Variants in PANX3 observed in about 807,000 individuals in gnomAD.
PANX3 encodes the protein pannexin 3.
A neutral mutation model predicts 31.5 loss-of-function variants in PANX3; 18 were observed. The observed-to-expected ratio is 0.57, with a 90% CI of 0.39 to 0.85. The LOEUF (loss-of-function observed/expected upper bound fraction) is 0.85, where lower values mean the gene tolerates loss of function less well. Ranked by LOEUF, PANX3 falls within the 40% of genes least tolerant of loss-of-function variation. The pLI, the probability that PANX3 is intolerant of heterozygous loss-of-function variation, is 0.00. For missense variants in PANX3, 426 were observed against 485.4 expected (o/e 0.88, Z 1.15); for synonymous variants, 194 against 201.6 (o/e 0.96, Z 0.32).
chr11:124,612,631 G>A (rs1021118096), intron 1 of PANX3, among the ~76,000 whole-genome samples: 1 of 152,176 alleles, frequency 6.6e-6, no homozygotes, highest in Non-Finnish European at 1.5e-5. Context: ...CAACATTTTA[G>A]AGTCTAAAGG....
chr11:124,611,460 T>C lies in PANX3; in HGVS notation c.-97T>C. On this transcript the variant is annotated 5_prime_UTR_variant, in exon 1 of 4. Transcript: ENST00000284288. ...TCCATAAGGCTGGGGTGGCAGGCAC[T>C]GTCTGCCCAAAGTCAGCTGCCTGAA... 1 of 1,196,736 alleles carries C rather than the reference T, an allele frequency of 8.4e-7. No homozygotes were observed. Among genetic ancestry groups the C allele is most frequent in the South Asian group, 1.6e-5 (1 of 62,866 alleles). The allele number at this position is 1,196,736 out of a possible 1,614,324, so 74.1% of individuals were successfully genotyped here. A position where few individuals can be genotyped will look rare whatever the true frequency, so the allele number is the denominator to read the frequency against.
chr11:124,619,552 C>T lies in PANX3; in HGVS notation c.796C>T (p.Leu266=). The change falls in exon 4 of 4, where the codon CTG becomes TTG. Residue 266 remains leucine (L), a synonymous_variant. Transcript: ENST00000284288. ...PNLITCRLTS[L]SIFQIVSLSS... ...TCTGATCACATGCAGGCTGACATCA[C>T]TGTCCATTTTCCAGATTGTTAGCCT... The T allele has an allele frequency of 1.2e-6, 2 of 1,614,218 alleles. No homozygotes were observed. The highest frequency in any genetic ancestry group is 8.5e-7 in the Non-Finnish European group (1 of 1,180,038).
intron 2 of PANX3, among the ~76,000 whole-genome samples, chr11:124,614,756 AACCTCC>A (rs1213801479): frequency 7.3e-6 from 1 of 137,120 alleles, no homozygotes; most frequent in Admixed American, 8.1e-5. Context: ...GGCTCACTGC[AACCTCC>A]ACCTCCCAGG....
chr11:124,613,540 A>G (rs1863118790), intron 2 of PANX3, among the ~76,000 whole-genome samples: 1 of 152,120 alleles, frequency 6.6e-6, no homozygotes, highest in Non-Finnish European at 1.5e-5. Flanking sequence ...CTCACCATTC[A>G]GAGTTCACTC....
chr11:124,615,477 G>T (rs1863143083), intron 2 of PANX3, among the ~76,000 whole-genome samples: 1 of 152,130 alleles, frequency 6.6e-6, no homozygotes, highest in Non-Finnish European at 1.5e-5. Context: ...CCTGGTTCAG[G>T]AGAAGCTATA....
rs1208642149 is a variant in PANX3, at chr11:124,616,351, CTTCT to C, written c.325-920_325-917del. Among the ~76,000 whole-genome samples the C allele has an allele frequency of 5.3e-5, 8 of 152,074 alleles. No homozygotes were observed. Among genetic ancestry groups the C allele is most frequent in the Non-Finnish European group, 1.2e-4 (8 of 68,020 alleles). On this transcript the variant is annotated intron_variant, in intron 2 of 3. Coordinates refer to ENST00000284288, the MANE Select transcript of PANX3 (RefSeq NM_052959.3). This position sits in a 1 kb window ranked among gnomAD's most constrained non-coding sequence, Gnocchi z 4.8. Reference sequence around the variant, plus strand: ...GGCAGTCTCCCTGTATGCATTTCTGCTTCTTTACCTGGCTTTTTTTTTAAAAAAG... The same window carrying C: ...GGCAGTCTCCCTGTATGCATTTCTGCTTACCTGGCTTTTTTTTTAAAAAAG...
At chr11:124,617,596 CA>C (rs1272561670) in intron 3 of PANX3, 108 bp downstream of exon 3, 7 of 1,087,562 alleles carry the variant, frequency 6.4e-6, no homozygotes, top group Non-Finnish European at 9.6e-6. Context: ...CTCAAGAAGG[CA>C]AAGTGCTTAA....
Position 124,617,370 on chromosome 11 carries a change from C to G in PANX3, c.421C>G (p.Leu141Val). ...TGTGCCAGCCCTCAGCTCCGATCTG[C>G]TGTTCATCATCAGCGAACTGGACAA... is the stretch of plus-strand genomic sequence containing the variant. The part of the protein sequence containing the change: ...AAVPALSSDL[L>V]FIISELDKSY... The change falls in exon 3 of 4, where the codon CTG becomes GTG. Residue 141 changes from leucine to valine, a missense_variant. Coordinates refer to ENST00000284288, the MANE Select transcript of PANX3 (RefSeq NM_052959.3). The G allele has an allele frequency of 6.2e-7, 1 of 1,613,844 alleles. No individual in the cohort carries two copies. The highest frequency in any genetic ancestry group is 8.5e-7 in the Non-Finnish European group (1 of 1,180,052).
intron 3 of PANX3, among the ~76,000 whole-genome samples, chr11:124,618,342 G>T (rs1181462870): frequency 6.6e-6 from 1 of 152,092 alleles, no homozygotes; most frequent in Non-Finnish European, 1.5e-5. Flanking sequence ...TTCCATAAGG[G>T]TTTCTGAACA....
At position 124,619,970 on chromosome 11, in the gene PANX3, G is replaced by T; in HGVS notation, c.*35G>T. 1 of 1,554,478 alleles carries T rather than the reference G, an allele frequency of 6.4e-7. No individual in the cohort carries two copies. On this transcript the variant is annotated 3_prime_UTR_variant, in exon 4 of 4. Transcript: ENST00000284288. ...CATGGAGCAAGAAAGCTTGTGGAAAGTCTCTCTCCTTCCTCATAAGACATG... is the reference window on the plus strand; with the variant it reads ...CATGGAGCAAGAAAGCTTGTGGAAATTCTCTCTCCTTCCTCATAAGACATG...
chr11:124,620,071 C>G lies in PANX3; in HGVS notation c.*136C>G. The G allele has an allele frequency of 3.2e-6, 3 of 938,210 alleles. No individual in the cohort carries two copies. Among genetic ancestry groups the G allele is most frequent in the Non-Finnish European group, 4.7e-6 (3 of 639,802 alleles). 58.1% of individuals were successfully genotyped at this position (938,210 alleles called of 1,614,324 possible). A position where few individuals can be genotyped will look rare whatever the true frequency, so the allele number is the denominator to read the frequency against. On this transcript the variant is annotated 3_prime_UTR_variant, in exon 4 of 4. Transcript: ENST00000284288. ...GCTTGGATTTAACTGAATCATATAT[C>G]TTTTATCATGTTATCCTAAAAGTGA...
chr11:124,611,486 G>A lies in PANX3; in HGVS notation c.-71G>A, dbSNP rs1863088568. On this transcript the variant is annotated 5_prime_UTR_variant, in exon 1 of 4. Transcript: ENST00000284288. Reference sequence around the variant, plus strand: ...GTCTGCCCAAAGTCAGCTGCCTGAAGCTGCCGTCTCCTCATTCCACCATCC... The same window carrying A: ...GTCTGCCCAAAGTCAGCTGCCTGAAACTGCCGTCTCCTCATTCCACCATCC... 6 of 1,456,078 alleles carry A rather than the reference G, an allele frequency of 4.1e-6. No homozygotes were observed. In the South Asian group the frequency reaches 5.5e-5, roughly 13 times the overall value. The allele number at this position is 1,456,078 out of a possible 1,614,324, so 90.2% of individuals were successfully genotyped here.
At chr11:124,618,510 A>G (rs553914508) in intron 3 of PANX3, among the ~76,000 whole-genome samples, 1 of 152,360 alleles carries the variant, frequency 6.6e-6, no homozygotes, top group Admixed American at 6.5e-5. Flanking sequence ...TTCAGAGCAC[A>G]AACTGGCTTA....
Position 124,611,596 on chromosome 11 carries a change from G to A in PANX3, c.40G>A (p.Asp14Asn). ...CACAGCTGCAGAGTACATGCTCTCA[G>A]ATGCCCTGCTGCCTGACCGCAGGGG... ...AHTAAEYMLS[D>N]ALLPDRRGPR... The change falls in exon 1 of 4, where the codon GAT becomes AAT. Residue 14 changes from aspartate (D) to asparagine (N), a missense_variant. Asp to Asn is a conservative substitution (Grantham distance 23). Transcript: ENST00000284288. The A allele has an allele frequency of 6.2e-7, 1 of 1,614,102 alleles. No homozygotes were observed. The highest frequency in any genetic ancestry group is 2.2e-5 in the East Asian group (1 of 44,882).
chr11:124,615,963 G>A (rs999001356), intron 2 of PANX3, among the ~76,000 whole-genome samples: 3 of 152,112 alleles, frequency 2.0e-5, no homozygotes, highest in African/African-American at 7.2e-5. Context: ...GCAGTGAGCA[G>A]AGATCGCACC....
Position 124,619,914 on chromosome 11 carries a change from G to A in PANX3, c.1158G>A (p.Ser386=), listed in dbSNP as rs141232400. 1.7e-5 allele frequency: 28 copies of A among 1,607,652 alleles called. No homozygotes were observed. The African/African-American group carries it at 2.0e-4, about 12-fold the overall frequency. Residue 386 remains serine (S), a synonymous_variant, in exon 4 of 4, where the codon TCG becomes TCA. Coordinates refer to ENST00000284288, the MANE Select transcript of PANX3 (RefSeq NM_052959.3). ...EPSKPKHLTN[S]ACDEHP ...CAAAACCCAAACACCTCACCAACTC[G>A]GCATGTGATGAACACCCATAGTTAA...
At chr11:124,611,879 G>C in intron 1 of PANX3, 142 bp downstream of exon 1, 1 of 847,720 alleles carries the variant, frequency 1.2e-6, no homozygotes, top group Non-Finnish European at 1.7e-6. Context: ...GGCAGATGGT[G>C]CATGAGTTCA....
chr11:124,612,979 G>C lies in PANX3; in HGVS notation c.182-1G>C, dbSNP rs1474343173. The C allele has an allele frequency of 6.2e-7, 1 of 1,613,864 alleles. No individual in the cohort carries two copies. The highest frequency in any genetic ancestry group is 8.5e-7 in the Non-Finnish European group (1 of 1,179,882). On this transcript the variant is annotated splice_acceptor_variant, in intron 1 of 3. Transcript: ENST00000284288. LOFTEE classifies it high-confidence loss of function. ...GCCTCAAAGCTGTGTTCCTGTTGCA[G>C]GGTCTCCGATCAGCTGCTTCTCTCC...
Position 124,617,297 on chromosome 11 carries a change from C to T in PANX3, c.348C>T (p.Ala116=), listed in dbSNP as rs1863164150. 6.8e-6 allele frequency: 11 copies of T among 1,607,804 alleles called. No homozygotes were observed. The highest frequency in any genetic ancestry group is 9.3e-6 in the Non-Finnish European group (11 of 1,180,008). The change falls in exon 3 of 4, where the codon GCC becomes GCT. Residue 116 remains alanine, a synonymous_variant. Coordinates refer to ENST00000284288, the MANE Select transcript of PANX3 (RefSeq NM_052959.3). The part of the protein sequence containing the change: ...PHKALPYSLL[A]LALLMYLPVL... ...AGGCCCTCCCCTACTCCCTGCTGGC[C>T]CTGGCCTTGCTCATGTACCTGCCGG...
Sources: gnomAD v4.1 joint callset for allele counts (sites outside exome capture counted in the v4.1 genomes callset) on GRCh38, gnomAD v4.1.1 for gene constraint, Gnocchi (gnomAD v3.1) non-coding constraint, MANE v1.5 for transcripts, NCBI Gene and HGNC (gene_info 2026-07-23, HGNC 2026-07-21) for gene names.